The following LRRIQ3 variants were observed in gnomAD, a reference collection of about 807,000 sequenced individuals.
LRRIQ3 encodes leucine-rich repeat and IQ domain-containing protein 3.
Under a neutral mutation model 59.3 loss-of-function variants are expected in LRRIQ3, and 75 were observed. That is an observed-to-expected ratio of 1.26 (90% CI 1.05 to 1.53). The LOEUF (loss-of-function observed/expected upper bound fraction) is 1.53. Ranked by LOEUF, LRRIQ3 falls within the 40% of genes most tolerant of loss-of-function variation. The probability of loss-of-function intolerance (pLI) is 0.00; values close to 1 mark genes in which losing one functional copy is unlikely to be tolerated. For synonymous variants in LRRIQ3, 250 were observed against 231.3 expected (o/e 1.08, Z -0.73); for missense variants, 831 against 710.0 (o/e 1.17, Z -1.94).
chr1:74,142,878 A>C (rs1647322158), intron 4 of LRRIQ3, among the ~76,000 whole-genome samples: 1 of 152,062 alleles, frequency 6.6e-6, no homozygotes, highest in South Asian at 2.1e-4. Flanking sequence ...CCATCTTTTT[A>C]TGACTCCAGT....
intron 4 of LRRIQ3, among the ~76,000 whole-genome samples, chr1:74,146,705 G>A (rs114750010): frequency 7.5e-4 from 114 of 152,242 alleles, no homozygotes; most frequent in Non-Finnish European, 1.3e-3. Flanking sequence ...TAACTTACAA[G>A]TTTTGAAACC....
chr1:74,154,437 A>G (rs1480960228), intron 4 of LRRIQ3, among the ~76,000 whole-genome samples: 1 of 152,018 alleles, frequency 6.6e-6, no homozygotes, highest in Non-Finnish European at 1.5e-5. Context: ...AATGGAACAG[A>G]GCTTTAAAGA....
intron 6 of LRRIQ3, among the ~76,000 whole-genome samples, chr1:74,068,245 A>T (rs1025527077): frequency 3.9e-5 from 6 of 152,112 alleles, no homozygotes; most frequent in African/African-American, 1.4e-4. Flanking sequence ...CTTCACAGAT[A>T]AACCCTGTAA....
At chr1:74,045,548 C>G (rs1245477151) in intron 6 of LRRIQ3, among the ~76,000 whole-genome samples, 2 of 152,116 alleles carry the variant, frequency 1.3e-5, no homozygotes, top group African/African-American at 4.8e-5. Context: ...TGAAAACCGG[C>G]ACAAGACAAG....
chr1:74,087,578 G>A (rs1485131594), intron 5 of LRRIQ3, among the ~76,000 whole-genome samples: 1 of 151,004 alleles, frequency 6.6e-6, no homozygotes, highest in Non-Finnish European at 1.5e-5. Flanking sequence ...AGGTGAAAAA[G>A]GCACATAAGA....
At chr1:74,077,019 T>C (rs957031195) in intron 5 of LRRIQ3, among the ~76,000 whole-genome samples, 2 of 152,094 alleles carry the variant, frequency 1.3e-5, no homozygotes, top group African/African-American at 4.8e-5. Flanking sequence ...CCAAAACATA[T>C]TGTCAAAATA....
At chr1:74,088,667 C>T (rs906048273) in intron 5 of LRRIQ3, among the ~76,000 whole-genome samples, 1 of 151,602 alleles carries the variant, frequency 6.6e-6, no homozygotes, top group Non-Finnish European at 1.5e-5. Flanking sequence ...TGAAAATTAG[C>T]TCATGATAGA....
At chr1:74,142,396 CT>C (rs1464357018) in intron 4 of LRRIQ3, among the ~76,000 whole-genome samples, 1 of 151,896 alleles carries the variant, frequency 6.6e-6, no homozygotes, top group Non-Finnish European at 1.5e-5. Context: ...TATTCTCCTC[CT>C]AATAGTGTTT....
chr1:74,121,423 C>G (rs1448217069), intron 4 of LRRIQ3, among the ~76,000 whole-genome samples: 1 of 152,112 alleles, frequency 6.6e-6, no homozygotes, highest in Non-Finnish European at 1.5e-5. Flanking sequence ...TAGGCTTGCG[C>G]TGACTGCTGA....
At chr1:74,187,752 A>C (rs909569995) in intron 1 of LRRIQ3, among the ~76,000 whole-genome samples, 3 of 152,044 alleles carry the variant, frequency 2.0e-5, no homozygotes, top group African/African-American at 7.3e-5. Context: ...ATTAAAAAAC[A>C]ACAAAAAAAG....
chr1:74,175,827 A>C (rs1649603871), intron 3 of LRRIQ3, among the ~76,000 whole-genome samples: 1 of 152,172 alleles, frequency 6.6e-6, no homozygotes, highest in Non-Finnish European at 1.5e-5. Context: ...AACATACCAC[A>C]GTCAACTAAT....
chr1:74,120,817 T>C (rs527710441), intron 4 of LRRIQ3, among the ~76,000 whole-genome samples: 7 of 152,194 alleles, frequency 4.6e-5, no homozygotes. Flanking sequence ...CTCAATAACA[T>C]GATTACATTT....
intron 6 of LRRIQ3, among the ~76,000 whole-genome samples, chr1:74,065,916 AT>A (rs1163747162): frequency 6.6e-6 from 1 of 152,026 alleles, no homozygotes; most frequent in East Asian, 1.9e-4. Context: ...GCAGGGCACA[AT>A]GGCTCATGCC....
intron 4 of LRRIQ3, among the ~76,000 whole-genome samples, chr1:74,120,565 T>A (rs538879455): frequency 5.9e-5 from 9 of 152,164 alleles, no homozygotes; most frequent in African/African-American, 2.2e-4. Flanking sequence ...CCAAATTTTT[T>A]AAATCTACTA....
intron 4 of LRRIQ3, among the ~76,000 whole-genome samples, chr1:74,119,343 C>T (rs565080529): frequency 1.5e-4 from 23 of 151,924 alleles, no homozygotes; most frequent in Admixed American, 5.2e-4. Flanking sequence ...TATATTTCTT[C>T]TTCTGTAAGT....
intron 6 of LRRIQ3, among the ~76,000 whole-genome samples, chr1:74,058,625 G>A (rs1465780526): frequency 8.6e-5 from 13 of 151,974 alleles, no homozygotes; most frequent in African/African-American, 3.1e-4. Flanking sequence ...TAGATAGGAG[G>A]AATAGGTAAG....
intron 4 of LRRIQ3, among the ~76,000 whole-genome samples, chr1:74,133,504 C>G (rs1035565660): frequency 6.6e-6 from 1 of 152,018 alleles, no homozygotes; most frequent in East Asian, 1.9e-4. Flanking sequence ...AAATGTGGCA[C>G]ATATACACCA....
intron 5 of LRRIQ3, among the ~76,000 whole-genome samples, chr1:74,099,417 G>A (rs1457389056): frequency 6.6e-6 from 1 of 152,088 alleles, no homozygotes; most frequent in African/African-American, 2.4e-5. Flanking sequence ...ATAATTAATA[G>A]CCTACCAACC....
intron 6 of LRRIQ3, among the ~76,000 whole-genome samples, chr1:74,055,281 T>A (rs1335204686): frequency 6.6e-6 from 1 of 151,014 alleles, no homozygotes; most frequent in East Asian, 1.9e-4. Context: ...AATGCAACTA[T>A]CATGAATACC....
Sources: gnomAD v4.1 joint callset for allele counts (sites outside exome capture counted in the v4.1 genomes callset) on GRCh38, gnomAD v4.1.1 for gene constraint, MANE v1.5 for transcripts, NCBI Gene and HGNC (gene_info 2026-07-23, HGNC 2026-07-21) for gene names.